Variants in SLC12A1 observed in about 807,000 individuals in gnomAD.
The protein encoded by SLC12A1 is solute carrier family 12 member 1.
Under a neutral mutation model 130.4 loss-of-function variants are expected in SLC12A1, and 89 were observed. The observed-to-expected ratio is 0.68, with a 90% CI of 0.58 to 0.81. The LOEUF is 0.81. Among genes scored for constraint, SLC12A1 ranks in the 40% least tolerant of loss-of-function variants. The pLI, the probability that SLC12A1 is intolerant of heterozygous loss-of-function variation, is 0.00. For synonymous variants in SLC12A1, 499 were observed against 460.0 expected (o/e 1.08, Z -1.09); for missense variants, 1,310 against 1,336.4 (o/e 0.98, Z 0.31).
In SLC12A1 at chr15:48,285,105, G is replaced by A. The variant is rs1382598379; in HGVS notation, c.2486-1G>A. ...TAGGTGATTTTGTCTTCTTTCATCA[G>A]AGGAATTAGAGAGATTAGAACAGGA... On this transcript the variant is annotated splice_acceptor_variant, in intron 20 of 26. Coordinates refer to ENST00000380993, the MANE Select transcript of SLC12A1 (RefSeq NM_000338.3). LOFTEE classifies it high-confidence loss of function. 3 of 1,566,950 alleles carry A rather than the reference G, an allele frequency of 1.9e-6. No homozygotes were observed. The African/African-American group carries it at 4.1e-5, about 21-fold the overall frequency.
In SLC12A1 at chr15:48,207,980, C is replaced by T. The variant is rs2041001798; in HGVS notation, c.261C>T (p.His87=). The change falls in exon 2 of 27, where the codon CAC becomes CAT. Residue 87 remains histidine, a synonymous_variant. Coordinates refer to ENST00000380993, the MANE Select transcript of SLC12A1 (RefSeq NM_000338.3). ...GETAKTDASF[H]AYDSHTNTYY... is the part of the protein sequence containing the mutation. ...CTGCTAAAACAGATGCCAGTTTTCA[C>T]GCTTATGATTCTCACACAAACACAT... The T allele has an allele frequency of 8.7e-6, 14 of 1,613,878 alleles. No homozygotes were observed. Among genetic ancestry groups the T allele is most frequent in the South Asian group, 2.2e-5 (2 of 91,086 alleles).
chr15:48,235,530 G>T lies in SLC12A1; in HGVS notation c.1215+526G>T, dbSNP rs548122506. On this transcript the variant is annotated intron_variant, in intron 9 of 26. Transcript: ENST00000380993. ...AATGCACAAAATCTAGCTCAGCTGG[G>T]CACAGTGCCACATGTCTATAGTCCC... 1.1e-4 allele frequency among the ~76,000 whole-genome samples: 17 copies of T among 152,218 alleles called. No individual in the cohort carries two copies. The South Asian group carries it at 2.7e-3, about 24-fold the overall frequency.
intron 20 of SLC12A1, among the ~76,000 whole-genome samples, chr15:48,279,329 T>C (rs1032968783): frequency 6.6e-6 from 1 of 152,212 alleles, no homozygotes; most frequent in African/African-American, 2.4e-5. Flanking sequence ...CATCATAGCT[T>C]TTCCAACACA....
chr15:48,281,011 A>T lies in SLC12A1; in HGVS notation c.2486-4095A>T, dbSNP rs572605160. Among the ~76,000 whole-genome samples, 66 of 152,258 alleles carry T rather than the reference A, an allele frequency of 4.3e-4. 1 individual carries two copies. Among genetic ancestry groups the T allele is most frequent in the Non-Finnish European group, 1.6e-4 (11 of 68,020 alleles). ...CAATTCTTGAGTGCCTGTTGGTGCA[A>T]ACATGGGTCCAGGTAATAAACGGGA... On this transcript the variant is annotated intron_variant, in intron 20 of 26. Transcript: ENST00000380993.
At chr15:48,212,369 TCTAA>T (rs745316838) in intron 2 of SLC12A1, among the ~76,000 whole-genome samples, 2 of 152,224 alleles carry the variant, frequency 1.3e-5, no homozygotes. Flanking sequence ...TTCCTATCAA[TCTAA>T]CTTTCTGTTT....
chr15:48,229,598 C>T (rs569844819), intron 6 of SLC12A1, among the ~76,000 whole-genome samples: 9 of 152,230 alleles, frequency 5.9e-5, no homozygotes, highest in African/African-American at 2.2e-4. Flanking sequence ...ATGTATTTCA[C>T]AGAAGTGTGG....
At chr15:48,258,081 G>GAGTTCTTCATCTCCATCTGAGA (rs1387379694) in intron 16 of SLC12A1, among the ~76,000 whole-genome samples, 18 of 70,990 alleles carry the variant, frequency 2.5e-4, no homozygotes, top group African/African-American at 2.1e-3. Flanking sequence ...GACCTTTACG[G>GAGTTCTTCATCTCCATCTGAGA]CCGGGCGCGG....
intron 5 of SLC12A1, chr15:48,227,120 A>T (rs2041300055): frequency 1.9e-6 from 3 of 1,552,274 alleles, no homozygotes; most frequent in Non-Finnish European, 2.6e-6. Context: ...GGTAGTAACG[A>T]CACTCACAGG....
At chr15:48,211,290 C>T (rs1015748807) in intron 2 of SLC12A1, among the ~76,000 whole-genome samples, 6 of 152,206 alleles carry the variant, frequency 3.9e-5, no homozygotes, top group African/African-American at 1.4e-4. Context: ...CCTGGCTCTC[C>T]ATGTGTAGCA....
intron 2 of SLC12A1, chr15:48,217,988 T>G (rs2041146328): frequency 6.6e-6 from 1 of 151,970 alleles, no homozygotes; most frequent in African/African-American, 2.4e-5. Flanking sequence ...TTTTCTATTT[T>G]CTGTAGAGAT....
At chr15:48,224,949 G>A (rs1296397306) in intron 4 of SLC12A1, 1 of 152,058 alleles carries the variant, frequency 6.6e-6, no homozygotes, top group African/African-American at 2.4e-5. Context: ...CCTTGGGGCA[G>A]CTTTTTAAAT....
intron 17 of SLC12A1, among the ~76,000 whole-genome samples, chr15:48,260,328 C>CCT (rs148763702): frequency 0.029 from 3,270 of 114,184 alleles, 115 homozygotes; most frequent in African/African-American, 0.1. Context: ...ACTTGTATTC[C>CCT]CTCTCTCTCT....
intron 17 of SLC12A1, among the ~76,000 whole-genome samples, chr15:48,263,876 A>G (rs1640122588): frequency 6.6e-6 from 1 of 151,964 alleles, no homozygotes; most frequent in Admixed American, 6.6e-5. Flanking sequence ...TATTTTTTGT[A>G]GAGACAGGGT....
At chr15:48,302,348 C>T (rs985486481) in intron 26 of SLC12A1, among the ~76,000 whole-genome samples, 72 of 152,016 alleles carry the variant, frequency 4.7e-4, no homozygotes, top group African/African-American at 6.8e-4. Context: ...CGGCCGGGCG[C>T]GGTGGCTCAC....
chr15:48,266,417 C>A lies in SLC12A1; in HGVS notation c.2155-1144C>A, dbSNP rs1216065731. 2.0e-5 allele frequency among the ~76,000 whole-genome samples: 3 copies of A among 150,936 alleles called. 1 individual carries two copies. The Admixed American group carries it at 2.0e-4, about 10-fold the overall frequency. On this transcript the variant is annotated intron_variant, in intron 17 of 26. Coordinates refer to ENST00000380993, the MANE Select transcript of SLC12A1 (RefSeq NM_000338.3). The stretch of plus-strand genomic sequence containing the variant: ...TACCTCCTCAGGCTTAGATCTGAGA[C>A]CTGTTTTGTCTGACCGCAAAGCCTG...
At chr15:48,295,330 G>T (rs2042166351) in intron 24 of SLC12A1, among the ~76,000 whole-genome samples, 1 of 152,034 alleles carries the variant, frequency 6.6e-6, no homozygotes, top group South Asian at 2.1e-4. Context: ...TTGTCAATCT[G>T]GTTTTCTCAA....
At chr15:48,232,896 A>C (rs1418406178) in intron 8 of SLC12A1, 58 bp downstream of exon 8, 5 of 1,035,398 alleles carry the variant, frequency 4.8e-6, no homozygotes, top group Non-Finnish European at 6.0e-6. Context: ...CCTCCTCATC[A>C]CCATCCCCAT....
At chr15:48,264,257 C>T (rs919355602) in intron 17 of SLC12A1, among the ~76,000 whole-genome samples, 1 of 152,032 alleles carries the variant, frequency 6.6e-6, no homozygotes, top group Non-Finnish European at 1.5e-5. Flanking sequence ...AGACTTTTAC[C>T]CTGTTTCTTT....
chr15:48,237,245 A>T (rs1336883128), intron 9 of SLC12A1: 1 of 529,628 alleles, frequency 1.9e-6, no homozygotes, highest in Non-Finnish European at 3.3e-6. Context: ...AAGGAATGGG[A>T]TGTAAGAAGG....
Sources: allele counts gnomAD v4.1 joint callset (sites outside exome capture counted in the v4.1 genomes callset), GRCh38; gene constraint gnomAD v4.1.1; transcripts MANE v1.5; gene names NCBI Gene and HGNC (gene_info 2026-07-23, HGNC 2026-07-21).